PPP6R1: variants seen among roughly 807,000 people sequenced by gnomAD.
PPP6R1 encodes serine/threonine-protein phosphatase 6 regulatory subunit 1.
In PPP6R1, 39 loss-of-function variants were observed where a neutral mutation model predicts 104.6. That is an observed-to-expected ratio of 0.37 (90% confidence interval 0.29 to 0.49). The LOEUF is 0.49. Among genes scored for constraint, PPP6R1 ranks in the 20% least tolerant of loss-of-function variants. PPP6R1 has a pLI of 0.98. For missense variants in PPP6R1, 1,181 were observed against 1,155.8 expected (o/e 1.02, Z -0.32); for synonymous variants, 549 against 479.0 (o/e 1.15, Z -1.91).
chr19:55,239,600 C>T lies in PPP6R1; in HGVS notation c.1647G>A (p.Leu549=). 1 of 1,611,006 alleles carries T rather than the reference C, an allele frequency of 6.2e-7. No individual in the cohort carries two copies. The change falls in exon 14 of 24, where the codon CTG becomes CTA. Residue 549 remains leucine, a synonymous_variant. Coordinates refer to ENST00000412770, the MANE Select transcript of PPP6R1 (RefSeq NM_014931.4). ...CACATAGCCCCACGCCCACCTGCTG[C>T]AGCACAGCCTCCTCAGGGAAGTTGA... ...KEFNFPEEAV[L]QQAFMDFQMQ... is the part of the protein sequence containing the mutation.
intron 1 of PPP6R1, chr19:55,255,592 T>C (rs906824560): frequency 6.6e-6 from 1 of 152,370 alleles, no homozygotes; most frequent in East Asian, 1.9e-4. Flanking sequence ...GAAAGGCAGG[T>C]GAGCCCCATC....
chr19:55,255,982 G>C (rs1440273892), intron 1 of PPP6R1, among the ~76,000 whole-genome samples: 1 of 152,320 alleles, frequency 6.6e-6, no homozygotes, highest in East Asian at 1.9e-4. Context: ...CCAGGATCTA[G>C]CATAAGGCCA....
At position 55,245,096 on chromosome 19, in the gene PPP6R1, C is replaced by T. The variant is rs369549628; in HGVS notation, c.618+24G>A. ...TGGGGAAGGAACTCTAAGGGGAATC[C>T]GCAGGGGCATCGGCAGCACTCACAT... On this transcript the variant is annotated intron_variant, in intron 5 of 23. Coordinates refer to ENST00000412770, the MANE Select transcript of PPP6R1 (RefSeq NM_014931.4). This position sits in a 1 kb window ranked among gnomAD's most constrained non-coding sequence, Gnocchi z 6.4. 421 of 1,611,478 alleles carry T rather than the reference C, an allele frequency of 2.6e-4. No individual in the cohort carries two copies. The highest frequency in any genetic ancestry group is 1.7e-3 in the Middle Eastern group (10 of 6,016).
Position 55,241,328 on chromosome 19 carries a change from C to T in PPP6R1, c.1072G>A (p.Val358Met), listed in dbSNP as rs371737967. 6.2e-6 allele frequency: 10 copies of T among 1,611,672 alleles called. No individual in the cohort carries two copies. Among genetic ancestry groups the T allele is most frequent in the African/African-American group, 2.7e-5 (2 of 74,938 alleles). ...APPLGNTRLH[V>M]VKLLASALSA... ...AGGGCACTGGCCAGGAGCTTGACCA[C>T]GTGCAGCCGCGTGTTGCCCAGAGGC... Residue 358 changes from valine (V) to methionine (M), a missense_variant, in exon 9 of 24, where the codon GTG becomes ATG. Coordinates refer to ENST00000412770, the MANE Select transcript of PPP6R1 (RefSeq NM_014931.4). This position sits in a 1 kb window ranked among gnomAD's most constrained non-coding sequence, Gnocchi z 5.4.
At chr19:55,248,734 G>A (rs571987630) in intron 1 of PPP6R1, among the ~76,000 whole-genome samples, 12 of 152,322 alleles carry the variant, frequency 7.9e-5, no homozygotes, top group East Asian at 1.9e-4. Flanking sequence ...ACAGGGAGAC[G>A]TGGAGCACCA....
rs2087352492 is a variant in PPP6R1, at chr19:55,231,934, G to C, written c.2174C>G (p.Thr725Ser). 6.3e-7 allele frequency: 1 copy of C among 1,574,954 alleles called. No homozygotes were observed. ...TTCCTCCCCGGAGACTCGGGGGCTGGTCGGGGCATCTGTAGGCACTGGGTC... is the reference window on the plus strand; with the variant it reads ...TTCCTCCCCGGAGACTCGGGGGCTGCTCGGGGCATCTGTAGGCACTGGGTC... ...TFDPVPTDAP[T>S]SPRVSGEEEL... is the part of the protein sequence containing the mutation. The change falls in exon 19 of 24, where the codon ACC becomes AGC. Residue 725 changes from threonine to serine, a missense_variant. Thr to Ser is a moderately conservative substitution (Grantham distance 58). Coordinates refer to ENST00000412770, the MANE Select transcript of PPP6R1 (RefSeq NM_014931.4).
Position 55,231,458 on chromosome 19 carries a change from A to G in PPP6R1, c.2411T>C (p.Leu804Pro). Residue 804 changes from leucine (L) to proline (P), a missense_variant, in exon 21 of 24, where the codon CTT (leucine) becomes CCT (proline). Transcript: ENST00000412770. ...PCQALVSIGD[L>P]QATFHGIRSA... is the part of the protein sequence containing the mutation. ...ACGGATCCCGTGGAAGGTGGCCTGA[A>G]GGTCCCCGATGCTAACCAAGGCCTG... The G allele has an allele frequency of 6.2e-7, 1 of 1,608,442 alleles. No individual in the cohort carries two copies. Among genetic ancestry groups the G allele is most frequent in the Non-Finnish European group, 8.5e-7 (1 of 1,177,868 alleles).
chr19:55,247,216 C>T, intron 1 of PPP6R1, 107 bp from the exon 2 acceptor site: 1 of 1,178,360 alleles, frequency 8.5e-7, no homozygotes, highest in Non-Finnish European at 1.2e-6. Context: ...ACAGCCTCTC[C>T]CCAAGTCCCA....
chr19:55,256,151 A>G (rs1184584745), intron 1 of PPP6R1, among the ~76,000 whole-genome samples: 5 of 152,252 alleles, frequency 3.3e-5, no homozygotes, highest in Non-Finnish European at 7.3e-5. Flanking sequence ...TAGATGAACC[A>G]ACAAAAGCTA....
rs747948832 is a variant in PPP6R1, at chr19:55,231,580, G to A, written c.2377+18C>T. 6.2e-7 allele frequency: 1 copy of A among 1,607,936 alleles called. No homozygotes were observed. The highest frequency in any genetic ancestry group is 2.2e-5 in the East Asian group (1 of 44,696). ...CTCTGCCCAGGGCCGCGGGTGGGCA[G>A]GGCAAAGCGGGGCTCACCTGAGGGC... On this transcript the variant is annotated intron_variant, in intron 20 of 23. Coordinates refer to ENST00000412770, the MANE Select transcript of PPP6R1 (RefSeq NM_014931.4).
In PPP6R1 at chr19:55,240,320, G is replaced by A. The variant is rs770700640; in HGVS notation, c.1297-20C>T. The A allele has an allele frequency of 6.3e-7, 1 of 1,577,018 alleles. No individual in the cohort carries two copies. Among genetic ancestry groups the A allele is most frequent in the Non-Finnish European group, 8.6e-7 (1 of 1,162,378 alleles). On this transcript the variant is annotated intron_variant, in intron 10 of 23. Transcript: ENST00000412770. Reference sequence around the variant, plus strand: ...CAGCAGCTGCGGGAGAGCGGGACAGGATGGCCTGGAGGGGTGGTCTGCACA... The same window carrying A: ...CAGCAGCTGCGGGAGAGCGGGACAGAATGGCCTGGAGGGGTGGTCTGCACA...
At chr19:55,235,859 T>C (rs1204210347) in intron 17 of PPP6R1, among the ~76,000 whole-genome samples, 2 of 148,396 alleles carry the variant, frequency 1.3e-5, no homozygotes, top group Non-Finnish European at 3.0e-5. Flanking sequence ...TTTTTTTTTT[T>C]TGAGACCAGG....
At chr19:55,237,143 A>G (rs2087407225) in intron 15 of PPP6R1, among the ~76,000 whole-genome samples, 173 bp from the exon 16 acceptor site, 2 of 152,246 alleles carry the variant, frequency 1.3e-5, no homozygotes, top group Non-Finnish European at 2.9e-5. Flanking sequence ...CAACGCATAC[A>G]TGAATATCAA....
At chr19:55,232,259 C>T (rs781169893) in intron 17 of PPP6R1, 48 bp from the exon 18 acceptor site, 80 of 1,498,088 alleles carry the variant, frequency 5.3e-5, no homozygotes, top group Admixed American at 1.0e-4. Flanking sequence ...ACAGACCGGC[C>T]GACACCCATC....
At chr19:55,246,605 G>A (rs1374007800) in intron 2 of PPP6R1, among the ~76,000 whole-genome samples, 1 of 152,148 alleles carries the variant, frequency 6.6e-6, no homozygotes, top group Non-Finnish European at 1.5e-5. Context: ...CCAGCTACTC[G>A]GGCAACTGAG....
Position 55,232,154 on chromosome 19 carries a change from T to TTCCTCCTCCTCCTCGTCC in PPP6R1, c.2028_2045dup (p.Glu680_Glu685dup). On this transcript the variant is annotated inframe_insertion, in exon 18 of 24. Transcript: ENST00000412770. ...CTGCACAGCCAATGCCCTCCTCGTC[T>TTCCTCCTCCTCCTCGTCC]TCCTCCTCCTCCTCGTCCTCCTCTT... 1.3e-6 allele frequency: 2 copies of TTCCTCCTCCTCCTCGTCC among 1,580,572 alleles called. No homozygotes were observed. The highest frequency in any genetic ancestry group is 1.7e-6 in the Non-Finnish European group (2 of 1,163,036).
chr19:55,230,233 T>A lies in PPP6R1; in HGVS notation c.*295A>T. On this transcript the variant is annotated 3_prime_UTR_variant, in exon 24 of 24. Coordinates refer to ENST00000412770, the MANE Select transcript of PPP6R1 (RefSeq NM_014931.4). ...GTTCGGTGTCCTCACTCTCTCTCGC[T>A]CTCCTCCCTCTCTCTATATAATATA... 1 of 442,374 alleles carries A rather than the reference T, an allele frequency of 2.3e-6. No homozygotes were observed. The highest frequency in any genetic ancestry group is 4.1e-6 in the Non-Finnish European group (1 of 246,010). 27.4% of individuals were successfully genotyped at this position (442,374 alleles called of 1,614,324 possible). A position where few individuals can be genotyped will look rare whatever the true frequency, so the allele number is the denominator to read the frequency against.
intron 1 of PPP6R1, among the ~76,000 whole-genome samples, chr19:55,255,232 C>T (rs1039256410): frequency 1.3e-5 from 2 of 152,210 alleles, no homozygotes; most frequent in Non-Finnish European, 2.9e-5. Flanking sequence ...AAACACTGGC[C>T]AAGGACTGGG....
At position 55,230,243 on chromosome 19, in the gene PPP6R1, C is replaced by T. The variant is rs2087327347; in HGVS notation, c.*285G>A. On this transcript the variant is annotated 3_prime_UTR_variant, in exon 24 of 24. Coordinates refer to ENST00000412770, the MANE Select transcript of PPP6R1 (RefSeq NM_014931.4). The stretch of plus-strand genomic sequence containing the variant: ...CTCACTCTCTCTCGCTCTCCTCCCT[C>T]TCTCTATATAATATATAATATATGT... 1 of 469,234 alleles carries T rather than the reference C, an allele frequency of 2.1e-6. No homozygotes were observed. The highest frequency in any genetic ancestry group is 2.0e-5 in the African/African-American group (1 of 51,148). The allele number at this position is 469,234 out of a possible 1,614,324, so 29.1% of individuals were successfully genotyped here.
Sources: gnomAD v4.1 joint callset for allele counts (sites outside exome capture counted in the v4.1 genomes callset) on GRCh38, gnomAD v4.1.1 for gene constraint, Gnocchi (gnomAD v3.1) non-coding constraint, MANE v1.5 for transcripts, NCBI Gene and HGNC (gene_info 2026-07-23, HGNC 2026-07-21) for gene names.